Variants in RBFOX2 observed in about 807,000 individuals in gnomAD.
RBFOX2 encodes RNA binding protein fox-1 homolog 2.
Under a neutral mutation model 49.1 loss-of-function variants are expected in RBFOX2, and 10 were observed. The ratio of observed to expected loss-of-function variants is 0.20; its 90% CI spans 0.13 to 0.35. The LOEUF (loss-of-function observed/expected upper bound fraction) is 0.35. RBFOX2 is among the 10% of genes least tolerant of loss of function. The pLI, the probability that RBFOX2 is intolerant of heterozygous loss-of-function variation, is 1.00. For synonymous variants in RBFOX2, 183 were observed against 187.4 expected (o/e 0.98, Z 0.19); for missense variants, 323 against 486.9 (o/e 0.66, Z 3.17).
intron 1 of RBFOX2, among the ~76,000 whole-genome samples, chr22:35,991,133 AC>A (rs2057961217): frequency 6.6e-6 from 1 of 151,986 alleles, no homozygotes; most frequent in South Asian, 2.1e-4. Context: ...CAAAAAACCC[AC>A]CCACTAGAAG....
Position 35,836,827 on chromosome 22 carries a change from T to C in RBFOX2, c.27+3365A>G, listed in dbSNP as rs1356754785. 3.9e-5 allele frequency among the ~76,000 whole-genome samples: 6 copies of C among 152,376 alleles called. No individual in the cohort carries two copies. In the East Asian group the frequency reaches 1.2e-3, roughly 29 times the overall value. On this transcript the variant is annotated intron_variant, in intron 1 of 11. Coordinates refer to ENST00000405409, the Ensembl canonical transcript of RBFOX2. ...GTTTGGCTAAACATTTATTTTTTAC[T>C]AATTAGTGTTGAAGTCATTTGCAAT...
intron 1 of RBFOX2, among the ~76,000 whole-genome samples, chr22:35,908,773 G>A (rs979673140): frequency 6.6e-6 from 1 of 151,090 alleles, no homozygotes; most frequent in African/African-American, 2.4e-5. Flanking sequence ...TATTAAATAG[G>A]CAGAAACTTA....
At chr22:35,826,589 C>T (rs180829087) in intron 1 of RBFOX2, among the ~76,000 whole-genome samples, 3 of 152,000 alleles carry the variant, frequency 2.0e-5, no homozygotes, top group African/African-American at 4.8e-5. Context: ...AACCTCCCCC[C>T]CTGCATCTCC....
intron 1 of RBFOX2, among the ~76,000 whole-genome samples, chr22:35,976,161 G>C (rs1235379833): frequency 6.6e-6 from 1 of 152,088 alleles, no homozygotes; most frequent in Non-Finnish European, 1.5e-5. Flanking sequence ...GAACAACATG[G>C]TTACTAACGT....
chr22:35,933,926 TTATATATATATATATATATA>T (rs3075245), intron 1 of RBFOX2, among the ~76,000 whole-genome samples: 3 of 118,020 alleles, frequency 2.5e-5, no homozygotes, highest in Admixed American at 2.5e-4. Context: ...TAATTAAATG[TTATATATATATATATATATA>T]TATATATACA....
chr22:35,761,167 T>C, intron 8 of RBFOX2, 35 bp downstream of exon 9: 1 of 1,579,706 alleles, frequency 6.3e-7, no homozygotes, highest in Non-Finnish European at 8.7e-7. Context: ...CTCACAACAG[T>C]CAAAATCCAT....
intron 1 of RBFOX2, among the ~76,000 whole-genome samples, chr22:35,859,548 T>C (rs894260832): frequency 2.6e-5 from 4 of 152,204 alleles, no homozygotes; most frequent in African/African-American, 9.6e-5. Context: ...AACACTCCTT[T>C]GCATGACACA....
At chr22:35,751,490 C>G (rs1203882745) in intron 9 of RBFOX2, among the ~76,000 whole-genome samples, 1 of 152,106 alleles carries the variant, frequency 6.6e-6, no homozygotes, top group Non-Finnish European at 1.5e-5. Context: ...TTCCAACTAG[C>G]GTGGGTTTAA....
At chr22:35,817,522 T>C (rs551420306) in intron 1 of RBFOX2, among the ~76,000 whole-genome samples, 5 of 151,970 alleles carry the variant, frequency 3.3e-5, no homozygotes, top group East Asian at 1.9e-4. Context: ...AAAGAGAGCA[T>C]AGATGATGAG....
chr22:36,028,453 G>A lies in RBFOX2; in HGVS notation c.-28C>T, dbSNP rs2059536314. The stretch of plus-strand genomic sequence containing the variant: ...GCCCGCGCCCCCCTCGCCTCCGGGA[G>A]CCGGGCGACCCGCGACAGGCCACCT... On this transcript the variant is annotated 5_prime_UTR_variant, in exon 1 of 14. Coordinates refer to the RBFOX2 transcript ENST00000438146. 1.2e-5 allele frequency: 14 copies of A among 1,176,972 alleles called. No individual in the cohort carries two copies. The South Asian group carries it at 5.0e-4, about 42-fold the overall frequency. The allele number at this position is 1,176,972 out of a possible 1,614,324, so 72.9% of individuals were successfully genotyped here.
At chr22:35,903,086 C>CCT (rs1243119854) in intron 1 of RBFOX2, among the ~76,000 whole-genome samples, 2 of 151,922 alleles carry the variant, frequency 1.3e-5, no homozygotes, top group Non-Finnish European at 2.9e-5. Context: ...TCCTTTGACC[C>CCT]CTCATCTCCC....
intron 1 of RBFOX2, among the ~76,000 whole-genome samples, chr22:35,846,330 T>TTGTGTGTGTGTGTGTGTG (rs35272106): frequency 1.4e-5 from 2 of 140,438 alleles, no homozygotes; most frequent in African/African-American, 5.2e-5. Flanking sequence ...ATTTATATAG[T>TTGTGTGTGTGTGTGTGTG]TGTGTGTGTG....
At chr22:35,979,782 G>A (rs964057332) in intron 1 of RBFOX2, among the ~76,000 whole-genome samples, 1 of 152,162 alleles carries the variant, frequency 6.6e-6, no homozygotes, top group South Asian at 2.1e-4. Flanking sequence ...TTCTCACAAC[G>A]AAAGCTGATC....
intron 1 of RBFOX2, among the ~76,000 whole-genome samples, chr22:35,957,583 T>C (rs1003789177): frequency 1.8e-4 from 28 of 152,240 alleles, no homozygotes; most frequent in Non-Finnish European, 1.5e-5. Flanking sequence ...CACATCCTCC[T>C]ACTCATAACA....
chr22:36,022,805 G>GAAAGGCCTGTCTGTCTCTTC (rs1191455077), intron 1 of RBFOX2, among the ~76,000 whole-genome samples: 23 of 152,120 alleles, frequency 1.5e-4, no homozygotes, highest in Non-Finnish European at 2.9e-4. Context: ...CTCCCCCAGG[G>GAAAGGCCTGTCTGTCTCTTC]CACAGACAAA....
intron 1 of RBFOX2, among the ~76,000 whole-genome samples, chr22:35,914,065 T>TA (rs1370879084): frequency 6.6e-6 from 1 of 152,100 alleles, no homozygotes; most frequent in East Asian, 1.9e-4. Context: ...GTGAAGGAGT[T>TA]AAAGAATATC....
intron 1 of RBFOX2, among the ~76,000 whole-genome samples, chr22:35,916,598 A>G (rs1211665771): frequency 6.6e-6 from 1 of 152,146 alleles, no homozygotes; most frequent in Admixed American, 6.6e-5. Context: ...GTGGTTGTTA[A>G]TAGTAATGAG....
intron 1 of RBFOX2, among the ~76,000 whole-genome samples, chr22:35,836,079 T>C (rs1957599367): frequency 6.6e-6 from 1 of 151,924 alleles, no homozygotes; most frequent in South Asian, 2.1e-4. Flanking sequence ...TGGCTGCAGC[T>C]CCGTGGATGA....
chr22:35,864,429 T>C (rs994323890), intron 1 of RBFOX2, among the ~76,000 whole-genome samples: 2 of 152,186 alleles, frequency 1.3e-5, no homozygotes, highest in African/African-American at 4.8e-5. Context: ...AAAACAATGA[T>C]GACAACCACC....
Sources: allele counts gnomAD v4.1 joint callset (sites outside exome capture counted in the v4.1 genomes callset), GRCh38; gene constraint gnomAD v4.1.1; transcripts MANE v1.5; gene names NCBI Gene and HGNC (gene_info 2026-07-23, HGNC 2026-07-21).